GFRA2: variants seen among roughly 807,000 people sequenced by gnomAD.
The protein encoded by GFRA2 is GDNF family receptor alpha 2.
GFRA2 carries 17 observed loss-of-function variants against 48.3 expected under a neutral mutation model. That is an observed-to-expected ratio of 0.35 (90% CI 0.24 to 0.53). The LOEUF (loss-of-function observed/expected upper bound fraction) is 0.53. Ranked by LOEUF, GFRA2 falls within the 20% of genes least tolerant of loss-of-function variation. The pLI, the probability that GFRA2 is intolerant of heterozygous loss-of-function variation, is 0.93. For missense variants in GFRA2, 660 were observed against 637.3 expected, an observed-to-expected ratio of 1.04 and a Z score of -0.38; for synonymous variants, 305 against 257.2, an observed-to-expected ratio of 1.19 and a Z score of -1.78.
At chr8:21,741,823 G>A (rs1804757231) in intron 4 of GFRA2, among the ~76,000 whole-genome samples, 1 of 151,868 alleles carries the variant, frequency 6.6e-6, no homozygotes, top group African/African-American at 2.4e-5. Flanking sequence ...TCAGGAGGCT[G>A]AGGCAGGAGA....
At chr8:21,764,890 G>C (rs749110725) in intron 3 of GFRA2, among the ~76,000 whole-genome samples, 25 of 152,052 alleles carry the variant, frequency 1.6e-4, no homozygotes, top group Non-Finnish European at 2.5e-4. Flanking sequence ...TAGATTTCTG[G>C]TTGCTGATTT....
rs543261676 is a variant in GFRA2, at chr8:21,709,549, G to A, written c.795-3508C>T. On this transcript the variant is annotated intron_variant, in intron 4 of 8. Transcript: ENST00000524240. ...AAAGATGGGAATGGCAAGCGTGGAC[G>A]CAACATCAGAAAGGAAACTCCAGCT... 3.7e-3 allele frequency among the ~76,000 whole-genome samples: 568 copies of A among 152,302 alleles called. 4 individuals are homozygous for A. The highest frequency in any genetic ancestry group is 0.011 in the South Asian group (55 of 4,826).
At chr8:21,737,265 A>G (rs1804512757) in intron 4 of GFRA2, among the ~76,000 whole-genome samples, 1 of 152,122 alleles carries the variant, frequency 6.6e-6, no homozygotes, top group Non-Finnish European at 1.5e-5. Flanking sequence ...GCTACTTGGG[A>G]GGCTGAGGCT....
chr8:21,784,956 G>T (rs796425217), intron 1 of GFRA2, among the ~76,000 whole-genome samples: 1 of 152,040 alleles, frequency 6.6e-6, no homozygotes, highest in East Asian at 1.9e-4. Flanking sequence ...CTGTACCTGC[G>T]GCCCCCAGCC....
chr8:21,797,448 C>T (rs1230159966), intron 2 of GFRA2: 1 of 151,888 alleles, frequency 6.6e-6, no homozygotes, highest in African/African-American at 2.4e-5. Context: ...ATTAGTTGAG[C>T]GTGGAGGTGC....
chr8:21,751,742 G>T (rs1805305002), intron 3 of GFRA2, among the ~76,000 whole-genome samples: 1 of 152,204 alleles, frequency 6.6e-6, no homozygotes, highest in East Asian at 1.9e-4. Flanking sequence ...CGTGGGCCAG[G>T]TGACTGACTG....
intron 1 of GFRA2, among the ~76,000 whole-genome samples, chr8:21,785,853 T>A (rs1344218605): frequency 6.6e-6 from 1 of 152,056 alleles, no homozygotes; most frequent in African/African-American, 2.4e-5. Flanking sequence ...CCAGCTGAAA[T>A]TGCCCACCAA....
At chr8:21,792,868 C>A (rs1330329237), upstream of GFRA2, among the ~76,000 whole-genome samples, 1 of 152,186 alleles carries the variant, frequency 6.6e-6, no homozygotes, top group African/African-American at 2.4e-5. Context: ...AGTTCCAGAC[C>A]AGCCTGACCA....
rs546763499 is a variant in GFRA2 at position 21,758,348 on chromosome 8, G to T, written c.440-7406C>A. ...CCCCTCTGCCACCTCCCAACAGAGA[G>T]GATCTTCAAGGTAGACTTTCCAATC... On this transcript the variant is annotated intron_variant, in intron 3 of 8. Transcript: ENST00000524240. Among the ~76,000 whole-genome samples the T allele has an allele frequency of 2.0e-4, 30 of 152,304 alleles. No individual in the cohort carries two copies. The East Asian group carries it at 5.0e-3, about 26-fold the overall frequency.
intron 3 of GFRA2, among the ~76,000 whole-genome samples, chr8:21,754,885 T>C (rs571486524): frequency 2.0e-5 from 3 of 152,200 alleles, no homozygotes; most frequent in Non-Finnish European, 4.4e-5. Flanking sequence ...GGAGGGTACA[T>C]CCAGACAAAA....
chr8:21,705,137 G>A lies in GFRA2; in HGVS notation c.905-12C>T, dbSNP rs751311863. The A allele has an allele frequency of 1.9e-6, 3 of 1,605,190 alleles. No individual in the cohort carries two copies. Among genetic ancestry groups the A allele is most frequent in the Non-Finnish European group, 2.6e-6 (3 of 1,176,382 alleles). ...TGTCATGTCAAACCCTGGGCAGGAA[G>A]AAAGGTGGGGGAGAGGAGAGAGGTA... On this transcript the variant is annotated splice_polypyrimidine_tract_variant and intron_variant, in intron 5 of 8. Coordinates refer to ENST00000524240, the MANE Select transcript of GFRA2 (RefSeq NM_001495.5).
chr8:21,807,008 G>T (rs572832270), intron 1 of GFRA2, among the ~76,000 whole-genome samples: 1 of 152,162 alleles, frequency 6.6e-6, no homozygotes, highest in East Asian at 1.9e-4. Flanking sequence ...ATTCATCCTT[G>T]TATCTCTTGT....
At chr8:21,752,329 T>C (rs1447144473) in intron 3 of GFRA2, among the ~76,000 whole-genome samples, 1 of 152,134 alleles carries the variant, frequency 6.6e-6, no homozygotes, top group Non-Finnish European at 1.5e-5. Flanking sequence ...TTCAGCCTGG[T>C]GTTTGGCCCC....
intron 4 of GFRA2, among the ~76,000 whole-genome samples, chr8:21,742,972 A>G (rs1361560611): frequency 2.6e-5 from 4 of 152,202 alleles, no homozygotes; most frequent in Non-Finnish European, 5.9e-5. Context: ...CATGAATCCT[A>G]TCTTGTAAAC....
intron 4 of GFRA2, among the ~76,000 whole-genome samples, chr8:21,740,771 A>G (rs1175118445): frequency 6.6e-6 from 1 of 152,252 alleles, no homozygotes; most frequent in Admixed American, 6.5e-5. Flanking sequence ...TAACATGCCC[A>G]AAATGGAACT....
chr8:21,762,811 T>C (rs966864422), intron 3 of GFRA2, among the ~76,000 whole-genome samples: 1 of 152,196 alleles, frequency 6.6e-6, no homozygotes. Context: ...ATAGTTTTGG[T>C]ATTTGGGGGG....
chr8:21,804,025 T>C lies in GFRA2; in HGVS notation c.-36+992A>G, dbSNP rs778610489. Among the ~76,000 whole-genome samples, 245 of 152,296 alleles carry C rather than the reference T, an allele frequency of 1.6e-3. 3 individuals are homozygous for C. The highest frequency in any genetic ancestry group is 2.5e-3 in the Non-Finnish European group (172 of 68,018). Reference sequence around the variant, plus strand: ...ATAATACTAATAGCCCCATTTGATATATGAAGATAATAAAGAACAAGTCAA... The same window carrying C: ...ATAATACTAATAGCCCCATTTGATACATGAAGATAATAAAGAACAAGTCAA... On this transcript the variant is annotated intron_variant, in intron 2 of 10. Transcript: ENST00000517328.
At position 21,741,932 on chromosome 8, in the gene GFRA2, A is replaced by AAAGAAAG. The variant is rs1554491493; in HGVS notation, c.794+8655_794+8656insCTTTCTT. ...CAAGACTCCATCTCAAAAAAAAAAAAAAAGAAAGAAAGAAAGAAAGATGCC... is the reference window on the plus strand; with the variant it reads ...CAAGACTCCATCTCAAAAAAAAAAAAAAGAAAGAAAGAAAGAAAGAAAGAAAGATGCC... On this transcript the variant is annotated intron_variant, in intron 4 of 8. Coordinates refer to ENST00000524240, the MANE Select transcript of GFRA2 (RefSeq NM_001495.5). 8.5e-3 allele frequency among the ~76,000 whole-genome samples: 1,264 copies of AAAGAAAG among 148,806 alleles called. 19 individuals are homozygous for AAAGAAAG. Among genetic ancestry groups the AAAGAAAG allele is most frequent in the South Asian group, 0.042 (201 of 4,740 alleles).
chr8:21,706,529 C>T (rs1188597828), intron 4 of GFRA2: 1 of 432,194 alleles, frequency 2.3e-6, no homozygotes, highest in Non-Finnish European at 4.7e-6. Flanking sequence ...ATCTGAGGGT[C>T]AAGGAAGCCA....
Sources: gnomAD v4.1 joint callset for allele counts (sites outside exome capture counted in the v4.1 genomes callset) on GRCh38, gnomAD v4.1.1 for gene constraint, MANE v1.5 for transcripts, NCBI Gene and HGNC (gene_info 2026-07-23, HGNC 2026-07-21) for gene names.